The following EPS15L1 variants were observed in gnomAD, a reference collection of about 807,000 sequenced individuals.
The protein encoded by EPS15L1 is epidermal growth factor receptor substrate 15-like 1.
A neutral mutation model predicts 117.1 loss-of-function variants in EPS15L1; 43 were observed. The ratio of observed to expected loss-of-function variants is 0.37; its 90% CI spans 0.29 to 0.47. The LOEUF (loss-of-function observed/expected upper bound fraction) is 0.47, where lower values mean the gene tolerates loss of function less well. EPS15L1 is among the 20% of genes least tolerant of loss of function. EPS15L1 has a pLI of 0.99. For synonymous variants in EPS15L1, 459 were observed against 470.5 expected, an observed-to-expected ratio of 0.98 and a Z score of 0.32; for missense variants, 981 against 1,164.0, an observed-to-expected ratio of 0.84 and a Z score of 2.29.
chr19:16,392,623 G>C (rs1338362094), intron 18 of EPS15L1, among the ~76,000 whole-genome samples, 183 bp from the exon 19 acceptor site: 1 of 152,284 alleles, frequency 6.6e-6, no homozygotes, highest in East Asian at 1.9e-4. Context: ...GACAACAAAG[G>C]GGCCTCAGGA....
chr19:16,468,638 G>A (rs1008693080), intron 1 of EPS15L1, among the ~76,000 whole-genome samples: 12 of 146,718 alleles, frequency 8.2e-5, no homozygotes, highest in Middle Eastern at 6.8e-3. Flanking sequence ...GAGCCACAGC[G>A]CCCAGCCATA....
chr19:16,402,038 C>A, intron 16 of EPS15L1: 1 of 1,173,656 alleles, frequency 8.5e-7, no homozygotes, highest in Non-Finnish European at 1.1e-6. Flanking sequence ...GGTGGTTGGC[C>A]CAATGTAAAT....
intron 16 of EPS15L1, among the ~76,000 whole-genome samples, chr19:16,396,987 C>T (rs545767475): frequency 1.7e-4 from 26 of 152,246 alleles, no homozygotes; most frequent in Admixed American, 1.2e-3. Context: ...GGGATGAAAA[C>T]GTTCTAGAGC....
chr19:16,395,201 CAAAAAAAAAAA>C, intron 17 of EPS15L1, 132 bp downstream of exon 17: 3 of 458,164 alleles, frequency 6.5e-6, no homozygotes, highest in Non-Finnish European at 1.0e-5. Context: ...AGTTCGTCTC[CAAAAAAAAAAA>C]AAAAAAAGGC....
At chr19:16,367,581 G>C (rs1599528780) in intron 22 of EPS15L1, among the ~76,000 whole-genome samples, 2 of 141,058 alleles carry the variant, frequency 1.4e-5, no homozygotes, top group South Asian at 4.5e-4. Context: ...TATTTCTCAA[G>C]CTTCTTCTCG....
chr19:16,429,070 A>G (rs2092905113), intron 7 of EPS15L1, among the ~76,000 whole-genome samples: 1 of 113,322 alleles, frequency 8.8e-6, no homozygotes, highest in Admixed American at 8.1e-5. Context: ...GACATCTTAG[A>G]AAAGACAGCT....
chr19:16,441,139 A>C, intron 3 of EPS15L1: 2 of 575,690 alleles, frequency 3.5e-6, no homozygotes, highest in Admixed American at 5.9e-5. Context: ...TCAGCTCCCA[A>C]GCCAATGGTG....
chr19:16,372,736 A>T (rs1043729072), intron 22 of EPS15L1, among the ~76,000 whole-genome samples: 7 of 152,208 alleles, frequency 4.6e-5, no homozygotes, highest in Admixed American at 6.5e-5. Context: ...TCACCGTGCA[A>T]GGCGCTTCAC....
chr19:16,441,575 G>C (rs946528707), intron 3 of EPS15L1: 2 of 182,344 alleles, frequency 1.1e-5, no homozygotes, highest in Non-Finnish European at 2.2e-5. Context: ...GTTGCAGTGA[G>C]CCGAGATCGC....
intron 21 of EPS15L1, among the ~76,000 whole-genome samples, chr19:16,380,146 C>T (rs771438771): frequency 6.1e-5 from 9 of 146,790 alleles, no homozygotes; most frequent in Non-Finnish European, 9.0e-5. Context: ...GTCGCACAGA[C>T]GCAGCCATCT....
intron 1 of EPS15L1, among the ~76,000 whole-genome samples, chr19:16,455,959 G>A (rs1413522070): frequency 6.6e-6 from 1 of 152,198 alleles, no homozygotes; most frequent in Non-Finnish European, 1.5e-5. Flanking sequence ...CCAGCAATAT[G>A]GGAGACCAAG....
intron 1 of EPS15L1, among the ~76,000 whole-genome samples, chr19:16,458,238 A>C (rs1042007971): frequency 6.6e-6 from 1 of 152,074 alleles, no homozygotes; most frequent in Non-Finnish European, 1.5e-5. Context: ...CTCCTAGTGC[A>C]CTGTTCTTTT....
At chr19:16,469,067 G>T (rs1342440180) in intron 1 of EPS15L1, among the ~76,000 whole-genome samples, 3 of 152,104 alleles carry the variant, frequency 2.0e-5, no homozygotes, top group Admixed American at 2.0e-4. Flanking sequence ...TAAGTGGGAG[G>T]GAGTGGGCAA....
chr19:16,419,811 A>C (rs1174675397), intron 10 of EPS15L1, among the ~76,000 whole-genome samples: 1 of 152,224 alleles, frequency 6.6e-6, no homozygotes, highest in Non-Finnish European at 1.5e-5. Context: ...GTCTCTCCCC[A>C]GTCTGCCCCT....
intron 1 of EPS15L1, among the ~76,000 whole-genome samples, chr19:16,452,503 C>T (rs1419565658): frequency 6.6e-6 from 1 of 151,026 alleles, no homozygotes; most frequent in Non-Finnish European, 1.5e-5. Context: ...GCCTGTAGTC[C>T]CAGCTACTCG....
chr19:16,367,235 G>A (rs563155301), intron 22 of EPS15L1, among the ~76,000 whole-genome samples: 5 of 151,426 alleles, frequency 3.3e-5, no homozygotes, highest in African/African-American at 9.7e-5. Flanking sequence ...TATTTGCAGC[G>A]GGAACTACCG....
At position 16,419,462 on chromosome 19, in the gene EPS15L1, A is replaced by T. The variant is rs559890072; in HGVS notation, c.951-1358T>A. ...CAACAGTGAGTCTCTGTCTCAAAAA[A>T]AAAAAATAAAAAAATGAGGAGCCAA... On this transcript the variant is annotated intron_variant, in intron 10 of 23. Coordinates refer to ENST00000455140, the MANE Select transcript of EPS15L1 (RefSeq NM_001258374.3). Among the ~76,000 whole-genome samples the T allele has an allele frequency of 3.4e-4, 52 of 152,218 alleles. No homozygotes were observed. The East Asian group carries it at 4.3e-3, about 12-fold the overall frequency.
chr19:16,422,769 C>G (rs1234335412), intron 9 of EPS15L1, among the ~76,000 whole-genome samples: 1 of 152,014 alleles, frequency 6.6e-6, no homozygotes, highest in Admixed American at 6.6e-5. Context: ...CCAGATTGGC[C>G]AACATGGTGA....
intron 16 of EPS15L1, among the ~76,000 whole-genome samples, chr19:16,396,991 C>G (rs1213136870): frequency 6.6e-6 from 1 of 152,130 alleles, no homozygotes; most frequent in Non-Finnish European, 1.5e-5. Flanking sequence ...TGAAAACGTT[C>G]TAGAGCTGGG....
Sources: gnomAD v4.1 joint callset for allele counts (sites outside exome capture counted in the v4.1 genomes callset) on GRCh38, gnomAD v4.1.1 for gene constraint, MANE v1.5 for transcripts, NCBI Gene and HGNC (gene_info 2026-07-23, HGNC 2026-07-21) for gene names.